CARM1: variants seen among roughly 807,000 people sequenced by gnomAD.
CARM1 encodes the protein coactivator associated arginine methyltransferase 1.
A neutral mutation model predicts 72.7 loss-of-function variants in CARM1; 14 were observed. That is an observed-to-expected ratio of 0.19 (90% confidence interval 0.13 to 0.30). CARM1 has a LOEUF of 0.30. Ranked by LOEUF, CARM1 falls within the 10% of genes least tolerant of loss-of-function variation. The pLI is 1.00. For missense variants in CARM1, 432 were observed against 833.7 expected (o/e 0.52, Z 5.93); for synonymous variants, 333 against 345.5 (o/e 0.96, Z 0.40).
intron 1 of CARM1, among the ~76,000 whole-genome samples, chr19:10,899,216 C>G (rs1407087008): frequency 6.6e-6 from 1 of 152,202 alleles, no homozygotes; most frequent in African/African-American, 2.4e-5. Context: ...AAGCCCAGCC[C>G]TAGCCCTGGC....
chr19:10,917,336 A>G (rs1341916933), intron 8 of CARM1, among the ~76,000 whole-genome samples: 22 of 151,968 alleles, frequency 1.4e-4, no homozygotes, highest in African/African-American at 4.1e-4. Flanking sequence ...AATTAGCCAG[A>G]CGTGGTGGCG....
intron 6 of CARM1, among the ~76,000 whole-genome samples, chr19:10,914,720 T>C (rs2074181494): frequency 2.0e-5 from 3 of 152,156 alleles, no homozygotes; most frequent in African/African-American, 7.2e-5. Flanking sequence ...CACGCCCAGC[T>C]AAGTTTTGTA....
rs1599702515 is a variant in CARM1 at position 10,906,343 on chromosome 19, A to T, written c.346+1267A>T. On this transcript the variant is annotated intron_variant, in intron 2 of 15. Transcript: ENST00000327064. ...GTTGTGCTAAAATCTACATAACAAA[A>T]TGTGATCATTTTAACCCTTTTGAAG... 3.3e-5 allele frequency among the ~76,000 whole-genome samples: 5 copies of T among 152,358 alleles called. No individual in the cohort carries two copies. The East Asian group carries it at 9.6e-4, about 29-fold the overall frequency.
At position 10,890,706 on chromosome 19, in the gene CARM1, C is replaced by A. The variant is rs528646235; in HGVS notation, c.221-14245C>A. The stretch of plus-strand genomic sequence containing the variant: ...ATATATACACACATATATACACACA[C>A]ATATATACACATGAATATATAGACA... On this transcript the variant is annotated intron_variant, in intron 1 of 15. Transcript: ENST00000327064. Among the ~76,000 whole-genome samples the A allele has an allele frequency of 4.8e-5, 7 of 145,518 alleles. No homozygotes were observed. The East Asian group carries it at 1.4e-3, about 29-fold the overall frequency.
intron 1 of CARM1, among the ~76,000 whole-genome samples, chr19:10,894,993 G>T (rs565243548): frequency 2.0e-5 from 3 of 152,042 alleles, no homozygotes; most frequent in African/African-American, 4.8e-5. Context: ...GATCCTCCCC[G>T]CTCAGCTTTC....
Position 10,916,865 on chromosome 19 carries a change from T to A in CARM1, c.1020+88T>A. On this transcript the variant is annotated intron_variant, in intron 8 of 15. Coordinates refer to ENST00000327064, the MANE Select transcript of CARM1 (RefSeq NM_199141.2). The surrounding 1 kb of genome is among the most constrained non-coding windows in gnomAD (Gnocchi z 4.4). ...CCCTCAGGAAGCTACAGCCCCTCTC[T>A]GAGCCCTCTCCTCTGCCCTGCACAG... 1 of 1,003,316 alleles carries A rather than the reference T, an allele frequency of 1.0e-6. No homozygotes were observed. Among genetic ancestry groups the A allele is most frequent in the Non-Finnish European group, 1.5e-6 (1 of 667,882 alleles). 62.2% of individuals were successfully genotyped at this position (1,003,316 alleles called of 1,614,324 possible).
chr19:10,894,024 T>A (rs1318785804), intron 1 of CARM1, among the ~76,000 whole-genome samples: 1 of 152,204 alleles, frequency 6.6e-6, no homozygotes, highest in East Asian at 1.9e-4. Context: ...CACACAGGAA[T>A]GGGGGGAAGC....
At position 10,916,444 on chromosome 19, in the gene CARM1, A is replaced by G. The variant is rs2074197566; in HGVS notation, c.885A>G (p.Ala295=). The G allele has an allele frequency of 6.2e-7, 1 of 1,613,658 alleles. No homozygotes were observed. Among genetic ancestry groups the G allele is most frequent in the Non-Finnish European group, 8.5e-7 (1 of 1,179,906 alleles). ...MFPTIGDVHL[A]PFTDEQLYME... ...CTACCATTGGTGACGTCCACCTTGC[A>G]CCCTTCACGGATGAACAGCTCTACA... The change falls in exon 7 of 16, where the codon GCA becomes GCG. Residue 295 remains alanine, a synonymous_variant. Transcript: ENST00000327064. This position sits in a 1 kb window ranked among gnomAD's most constrained non-coding sequence, Gnocchi z 4.4.
chr19:10,901,235 G>A (rs1164554709), intron 1 of CARM1, among the ~76,000 whole-genome samples: 3 of 151,956 alleles, frequency 2.0e-5, no homozygotes, highest in Admixed American at 6.6e-5. Flanking sequence ...TGCCTGCCTC[G>A]GCCTCCCAAA....
intron 5 of CARM1, among the ~76,000 whole-genome samples, chr19:10,913,601 T>C (rs1032835764): frequency 2.4e-4 from 37 of 151,944 alleles, no homozygotes; most frequent in African/African-American, 8.9e-4. Context: ...TTTCTCCATG[T>C]TGGTCAGGCT....
Sources: allele counts gnomAD v4.1 joint callset (sites outside exome capture counted in the v4.1 genomes callset), GRCh38; gene constraint gnomAD v4.1.1; non-coding constraint Gnocchi (gnomAD v3.1); transcripts MANE v1.5; gene names NCBI Gene and HGNC (gene_info 2026-07-23, HGNC 2026-07-21).